MAN2A2: variants seen among roughly 807,000 people sequenced by gnomAD.
The protein encoded by MAN2A2 is mannosidase alpha class 2A member 2.
In MAN2A2, 79 loss-of-function variants were observed where a neutral mutation model predicts 126.8. The observed-to-expected ratio is 0.62, with a 90% CI of 0.52 to 0.75. MAN2A2 has a LOEUF of 0.75. Among genes scored for constraint, MAN2A2 ranks in the 30% least tolerant of loss-of-function variants. The pLI, the probability that MAN2A2 is intolerant of heterozygous loss-of-function variation, is 0.00. For missense variants in MAN2A2, 1,392 were observed against 1,522.4 expected (o/e 0.91, Z 1.43); for synonymous variants, 671 against 618.7 (o/e 1.08, Z -1.25).
chr15:90,919,030 T>C (rs2035401772), intron 22 of MAN2A2, among the ~76,000 whole-genome samples: 1 of 152,226 alleles, frequency 6.6e-6, no homozygotes, highest in African/African-American at 2.4e-5. Context: ...ACCCATCCTG[T>C]TGTTACTTTG....
At position 90,913,360 on chromosome 15, in the gene MAN2A2, A is replaced by C. The variant is rs75478132; in HGVS notation, c.2672A>C (p.Asp891Ala). 1 of 1,606,160 alleles carries C rather than the reference A, an allele frequency of 6.2e-7. No homozygotes were observed. Among genetic ancestry groups the C allele is most frequent in the Non-Finnish European group, 8.5e-7 (1 of 1,172,776 alleles). The change falls in exon 18 of 23, where the codon GAC becomes GCC. Residue 891 changes from aspartate to alanine, a missense_variant. Transcript: ENST00000559717. ...GAGCTGGCCCTGCACATCCATACAG[A>C]CATCGACAGCCAGGGTATCTTCTTC... ...NKELALHIHT[D>A]IDSQGIFFTD...
In MAN2A2 at chr15:90,905,563, G is replaced by A. The variant is rs977462261; in HGVS notation, c.391-16G>A. ...GTGGCCACGACTGGGGTACTGAGCT[G>A]CAGTTCACCTGGCAGATGCTCACTG... is the stretch of plus-strand genomic sequence containing the variant. On this transcript the variant is annotated splice_polypyrimidine_tract_variant and intron_variant, in intron 3 of 22. Transcript: ENST00000559717. The A allele has an allele frequency of 6.2e-7, 1 of 1,614,174 alleles. No homozygotes were observed. Among genetic ancestry groups the A allele is most frequent in the Middle Eastern group, 1.6e-4 (1 of 6,062 alleles).
intron 20 of MAN2A2, 101 bp from the exon 21 acceptor site, chr15:90,918,093 T>A (rs1354193332): frequency 8.7e-7 from 1 of 1,146,804 alleles, no homozygotes; most frequent in Non-Finnish European, 1.3e-6. Context: ...CCAGGAAAGG[T>A]CTTTCCAAAA....
rs1468666463 is a variant in MAN2A2 at position 90,910,773 on chromosome 15, G to T, written c.1761-74G>T. On this transcript the variant is annotated intron_variant, in intron 11 of 22. Transcript: ENST00000559717. ...TGGTCAGGGGGTAGGCCGGCCTAGG[G>T]CTTGTCCTGCTGACAAGGCAGACAG... 8 of 1,596,588 alleles carry T rather than the reference G, an allele frequency of 5.0e-6. No homozygotes were observed. In the African/African-American group the frequency reaches 9.4e-5, roughly 19 times the overall value.
At position 90,907,450 on chromosome 15, in the gene MAN2A2, G is replaced by A; in HGVS notation, c.1151G>A (p.Trp384Ter). The A allele has an allele frequency of 6.2e-7, 1 of 1,613,762 alleles. No homozygotes were observed. The highest frequency in any genetic ancestry group is 8.5e-7 in the Non-Finnish European group (1 of 1,180,028). ...RLPGGRINCPWKVPPRAITEA... is the reference protein window; with the variant it reads ...RLPGGRINCP ...CCTGGTGGGCGCATCAACTGCCCTTGGAAGGTGCCACCCCGGGCCATCACA... is the reference window on the plus strand; with the variant it reads ...CCTGGTGGGCGCATCAACTGCCCTTAGAAGGTGCCACCCCGGGCCATCACA... The change falls in exon 8 of 23, where the codon TGG becomes TAG. Residue 384 changes from tryptophan to a stop codon, truncating the protein, a stop_gained. Coordinates refer to ENST00000559717, the MANE Select transcript of MAN2A2 (RefSeq NM_006122.4). LOFTEE classifies it high-confidence loss of function.
chr15:90,918,069 T>C (rs1172132704), intron 20 of MAN2A2, 125 bp from the exon 21 acceptor site: 2 of 885,416 alleles, frequency 2.3e-6, no homozygotes, highest in African/African-American at 3.4e-5. Context: ...GGCGTGCCCT[T>C]GAGTCCAGGC....
At chr15:90,911,603 T>C (rs2034750229) in intron 14 of MAN2A2, 53 bp downstream of exon 14, 1 of 1,538,428 alleles carries the variant, frequency 6.5e-7, no homozygotes, top group South Asian at 1.2e-5. Context: ...CGTGGGCCCC[T>C]CCCCGCCCGG....
intron 1 of MAN2A2, chr15:90,903,935 C>T (rs549500616): frequency 2.0e-6 from 1 of 497,052 alleles, no homozygotes; most frequent in East Asian, 4.0e-5. Flanking sequence ...TGGTGCGCTC[C>T]AGTCGGAGCT....
intron 20 of MAN2A2, 29 bp downstream of exon 20, chr15:90,916,285 C>T: frequency 1.2e-6 from 2 of 1,608,644 alleles, no homozygotes; most frequent in Non-Finnish European, 1.7e-6. Context: ...GCCCAGGGAG[C>T]CAGGTCTGGC....
chr15:90,911,346 A>T (rs1270174860), intron 13 of MAN2A2, 39 bp from the exon 14 acceptor site: 1 of 1,613,302 alleles, frequency 6.2e-7, no homozygotes, highest in South Asian at 1.1e-5. Context: ...CCTGGTCGGA[A>T]GCAGCAGCCT....
At chr15:90,916,068 G>A in intron 19 of MAN2A2, 55 bp from the exon 20 acceptor site, 1 of 1,592,174 alleles carries the variant, frequency 6.3e-7, no homozygotes, top group African/African-American at 1.3e-5. Flanking sequence ...CCTTTGAAAG[G>A]TCAGTGCCTG....
In MAN2A2 at chr15:90,911,318, C is replaced by A. The variant is rs763755866; in HGVS notation, c.1944-67C>A. 3.7e-6 allele frequency: 6 copies of A among 1,613,150 alleles called. No individual in the cohort carries two copies. The South Asian group carries it at 6.6e-5, about 18-fold the overall frequency. ...CCCCTCTGCCCCAGCATGTGCTGAA[C>A]CAGTGCAGGGCGCTTGCCCTGGTCG... is the stretch of plus-strand genomic sequence containing the variant. On this transcript the variant is annotated intron_variant, in intron 13 of 22. Coordinates refer to ENST00000559717, the MANE Select transcript of MAN2A2 (RefSeq NM_006122.4).
chr15:90,910,756 G>A (rs2034662924), intron 11 of MAN2A2, 73 bp downstream of exon 11: 4 of 1,602,238 alleles, frequency 2.5e-6, no homozygotes, highest in Admixed American at 1.7e-5. Context: ...GGTGGTCAGG[G>A]GGTAGGCCGG....
intron 1 of MAN2A2, chr15:90,903,744 A>G (rs1243806758): frequency 3.5e-6 from 1 of 285,916 alleles, no homozygotes. Flanking sequence ...GGTGAGTGCC[A>G]GTTTGACCCG....
At chr15:90,913,120 T>C (rs1339116918) in intron 17 of MAN2A2, 129 bp downstream of exon 17, 1 of 1,193,412 alleles carries the variant, frequency 8.4e-7, no homozygotes, top group Non-Finnish European at 1.2e-6. Flanking sequence ...TGCTCCATTC[T>C]CTTGGAGAAA....
At position 90,919,886 on chromosome 15, in the gene MAN2A2, T is replaced by A. The variant is rs1181788905; in HGVS notation, c.*99T>A. The A allele has an allele frequency of 7.1e-7, 1 of 1,401,542 alleles. No homozygotes were observed. Among genetic ancestry groups the A allele is most frequent in the Non-Finnish European group, 9.9e-7 (1 of 1,014,866 alleles). 86.8% of individuals were successfully genotyped at this position (1,401,542 alleles called of 1,614,324 possible). A position where few individuals can be genotyped will look rare whatever the true frequency, so the allele number is the denominator to read the frequency against. On this transcript the variant is annotated 3_prime_UTR_variant, in exon 23 of 23. Transcript: ENST00000559717. ...CACGGGTATCCCATCCCGATCTGCC[T>A]CCCAGAACTGTGACACACTGGGCTC...
At chr15:90,904,116 A>C (rs1334069011) in intron 1 of MAN2A2, 74 bp from the exon 2 acceptor site, 5 of 1,531,460 alleles carry the variant, frequency 3.3e-6, no homozygotes, top group Non-Finnish European at 4.5e-6. Context: ...TCAGGAACTC[A>C]CTGGGGTATT....
Position 90,904,318 on chromosome 15 carries a change from GA to G in MAN2A2, c.113del (p.Asn38MetfsTer41). On this transcript the variant is annotated frameshift_variant, in exon 2 of 23. Coordinates refer to ENST00000559717, the MANE Select transcript of MAN2A2 (RefSeq NM_006122.4). LOFTEE classifies it high-confidence loss of function. Reference protein sequence around the residue: ...RVQHDPTRHQNGGNFPRSQIS... With the variant: ...RVQHDPTRHQXGGNFPRSQIS... ...TGCAACACGATCCCACCCGACACCAGAATGGTGGGAACTTCCCCCGGGTGAG... is the reference window on the plus strand; with the variant it reads ...TGCAACACGATCCCACCCGACACCAGATGGTGGGAACTTCCCCCGGGTGAG... 6.2e-7 allele frequency: 1 copy of G among 1,614,032 alleles called. No individual in the cohort carries two copies. Among genetic ancestry groups the G allele is most frequent in the Non-Finnish European group, 8.5e-7 (1 of 1,179,942 alleles).
At position 90,906,001 on chromosome 15, in the gene MAN2A2, G is replaced by C. The variant is rs748210193; in HGVS notation, c.692G>C (p.Arg231Thr). 1.2e-6 allele frequency: 2 copies of C among 1,613,962 alleles called. No individual in the cohort carries two copies. Among genetic ancestry groups the C allele is most frequent in the Non-Finnish European group, 1.7e-6 (2 of 1,180,036 alleles). ...KWWDNINVQK[R>T]AAVRRLVGNG... ...TGGGACAACATCAATGTCCAAAAGA[G>C]AGCGGCAGTCCGAAGGCCAGTACCA... The change falls in exon 5 of 23, where the codon AGA becomes ACA. Residue 231 changes from arginine (R) to threonine (T), a missense_variant. Physicochemically the swap from Arg to Thr is moderately conservative, Grantham distance 71 (BLOSUM62 -1). Transcript: ENST00000559717.
Sources: gnomAD v4.1 joint callset for allele counts (sites outside exome capture counted in the v4.1 genomes callset) on GRCh38, gnomAD v4.1.1 for gene constraint, MANE v1.5 for transcripts, NCBI Gene and HGNC (gene_info 2026-07-23, HGNC 2026-07-21) for gene names.